CCND3: variants seen among roughly 807,000 people sequenced by gnomAD.
CCND3 encodes the protein cyclin D3, also known as G1/S-specific cyclin-D3.
In CCND3, 9 loss-of-function variants were observed where a neutral mutation model predicts 28.7. The ratio of observed to expected loss-of-function variants is 0.31; its 90% CI spans 0.19 to 0.55. The LOEUF is 0.55. CCND3 is among the 20% of genes least tolerant of loss of function. CCND3 has a pLI of 0.93. For missense variants in CCND3, 315 were observed against 385.8 expected, an observed-to-expected ratio of 0.82 and a Z score of 1.54; for synonymous variants, 164 against 163.9, an observed-to-expected ratio of 1.00 and a Z score of 0.00.
At position 41,953,704 on chromosome 6, in the gene CCND3, T is replaced by C. The variant is rs563939970; in HGVS notation, c.-45-13119A>G. On this transcript the variant is annotated intron_variant, in intron 1 of 4. Transcript: ENST00000372988. ...GTCAGGGACTCCCTGGTCTTGGAGG[T>C]TGAATCCAAGTTACTCCAAACCAAA... is the stretch of plus-strand genomic sequence containing the variant. Among the ~76,000 whole-genome samples, 81 of 152,034 alleles carry C rather than the reference T, an allele frequency of 5.3e-4. 3 individuals carry two copies. Among genetic ancestry groups the C allele is most frequent in the South Asian group, 4.1e-4 (2 of 4,828 alleles).
chr6:41,966,126 G>A (rs1411389235), intron 1 of CCND3, among the ~76,000 whole-genome samples: 2 of 152,120 alleles, frequency 1.3e-5, no homozygotes, highest in African/African-American at 2.4e-5. Context: ...GAGAATAAGA[G>A]AAAATACCTA....
At chr6:42,002,580 T>C (rs4380741) in intron 1 of CCND3, among the ~76,000 whole-genome samples, 149,095 of 152,176 alleles carry the variant, frequency 0.98, 73,108 homozygotes, top group East Asian at 1. Context: ...GGGCTGGGCG[T>C]GGTGGCTCAC....
chr6:42,001,686 G>A (rs1490728460), intron 1 of CCND3, among the ~76,000 whole-genome samples: 6 of 152,146 alleles, frequency 3.9e-5, no homozygotes, highest in Non-Finnish European at 7.3e-5. Flanking sequence ...AGGATAGCCT[G>A]AGCAGCACAG....
chr6:41,961,177 C>T (rs1313441099), intron 1 of CCND3, among the ~76,000 whole-genome samples: 3 of 152,182 alleles, frequency 2.0e-5, no homozygotes, highest in Non-Finnish European at 4.4e-5. Flanking sequence ...ATGCCTTCAT[C>T]AAAACAATCC....
chr6:41,941,414 C>G lies in CCND3; in HGVS notation c.198+38G>C. On this transcript the variant is annotated intron_variant, in intron 1 of 4. Transcript: ENST00000372991. The surrounding 1 kb of genome is among the most constrained non-coding windows in gnomAD (Gnocchi z 6.1). Reference sequence around the variant, plus strand: ...AGGGCGGCCCCGGTGTGTCCAGACCCGGGAGCGGTGGGGGAGGGGGACGCG... The same window carrying G: ...AGGGCGGCCCCGGTGTGTCCAGACCGGGGAGCGGTGGGGGAGGGGGACGCG... 3.1e-6 allele frequency: 5 copies of G among 1,601,120 alleles called. No homozygotes were observed. The highest frequency in any genetic ancestry group is 4.3e-6 in the Non-Finnish European group (5 of 1,176,038).
rs1008510305 is a variant in CCND3 at position 41,935,932 on chromosome 6, C to T, written c.*8G>A. 1.7e-5 allele frequency: 27 copies of T among 1,604,998 alleles called. No individual in the cohort carries two copies. Among genetic ancestry groups the T allele is most frequent in the Non-Finnish European group, 2.1e-5 (25 of 1,176,200 alleles). ...GCTTAGTGGCCACTCCAGAGGGCCT[C>T]TCCAGGGCTACAGGTGTATGGCTGT... On this transcript the variant is annotated 3_prime_UTR_variant, in exon 5 of 5. Coordinates refer to ENST00000372991, the MANE Select transcript of CCND3 (RefSeq NM_001760.5).
chr6:42,047,580 C>A (rs181748689), intron 1 of CCND3, among the ~76,000 whole-genome samples: 1 of 152,234 alleles, frequency 6.6e-6, no homozygotes, highest in African/African-American at 2.4e-5. Flanking sequence ...GTGGACCCTC[C>A]CAGCTGTACC....
chr6:42,014,999 C>T (rs2127429922), intron 1 of CCND3, among the ~76,000 whole-genome samples: 1 of 152,272 alleles, frequency 6.6e-6, no homozygotes, highest in Non-Finnish European at 1.5e-5. Flanking sequence ...TGATCCTGCC[C>T]TCAAAAAGTT....
intron 1 of CCND3, among the ~76,000 whole-genome samples, chr6:42,020,257 G>C (rs1369762537): frequency 6.6e-6 from 1 of 152,110 alleles, no homozygotes; most frequent in African/African-American, 2.4e-5. Context: ...ACTCCAGCCT[G>C]GGCGGCAGAG....
At chr6:41,965,312 C>T (rs897299596) in intron 1 of CCND3, among the ~76,000 whole-genome samples, 1 of 152,114 alleles carries the variant, frequency 6.6e-6, no homozygotes, top group African/African-American at 2.4e-5. Flanking sequence ...TCGTGATCCG[C>T]CTGCCCCGGC....
intron 1 of CCND3, among the ~76,000 whole-genome samples, chr6:41,989,640 C>A (rs1387122346): frequency 6.6e-6 from 1 of 151,926 alleles, no homozygotes; most frequent in Non-Finnish European, 1.5e-5. Flanking sequence ...CCACTATGCA[C>A]CTATTAGAAT....
chr6:41,948,180 T>C (rs1776216601), intron 1 of CCND3, among the ~76,000 whole-genome samples: 1 of 152,076 alleles, frequency 6.6e-6, no homozygotes, highest in Admixed American at 6.6e-5. Flanking sequence ...ACACTTCTTA[T>C]GCTCTTTCCC....
chr6:41,946,770 T>C (rs912401779), upstream of CCND3, among the ~76,000 whole-genome samples: 1 of 151,926 alleles, frequency 6.6e-6, no homozygotes, highest in Non-Finnish European at 1.5e-5. Context: ...TCTTTGCTTG[T>C]CCATTCCTAT....
intron 1 of CCND3, among the ~76,000 whole-genome samples, chr6:42,042,356 G>A (rs866219247): frequency 5.3e-5 from 7 of 131,350 alleles, no homozygotes; most frequent in African/African-American, 1.9e-4. Flanking sequence ...GCGTAGGCTC[G>A]GAAGTGGGTT....
intron 1 of CCND3, among the ~76,000 whole-genome samples, chr6:41,987,918 C>A (rs1403863157): frequency 6.6e-6 from 1 of 151,870 alleles, no homozygotes; most frequent in Non-Finnish European, 1.5e-5. Context: ...TTGAGCTTAG[C>A]TTTGTTCTCT....
At chr6:41,942,849 C>CT (rs1277778964), upstream of CCND3, among the ~76,000 whole-genome samples, 3 of 145,904 alleles carry the variant, frequency 2.1e-5, no homozygotes, top group Admixed American at 1.4e-4. Flanking sequence ...AAGGAAGTGT[C>CT]TAACCATTTT....
At chr6:42,031,979 C>A (rs1324197610) in intron 1 of CCND3, among the ~76,000 whole-genome samples, 1 of 151,912 alleles carries the variant, frequency 6.6e-6, no homozygotes, top group African/African-American at 2.4e-5. Context: ...TTAATAGAGA[C>A]GGGGTTTCAC....
rs1775933865 is a variant in CCND3, at chr6:41,939,884, T to C, written c.414+486A>G. ...TAAAGCAATCAGGGCCTGGCTTTAA[T>C]TGGCTCTGGGAGGCTTTTCTATCAC... On this transcript the variant is annotated intron_variant, in intron 2 of 4. Transcript: ENST00000372991. This position sits in a 1 kb window ranked among gnomAD's most constrained non-coding sequence, Gnocchi z 4.2. Among the ~76,000 whole-genome samples, 3 of 152,116 alleles carry C rather than the reference T, an allele frequency of 2.0e-5. No individual in the cohort carries two copies. The highest frequency in any genetic ancestry group is 2.9e-5 in the Non-Finnish European group (2 of 68,004).
rs879041589 is a variant in CCND3 at position 41,935,624 on chromosome 6, G to GT, written c.*315_*316insA. 7 of 469,916 alleles carry GT rather than the reference G, an allele frequency of 1.5e-5. No homozygotes were observed. The South Asian group carries it at 2.0e-4, about 13-fold the overall frequency. The allele number at this position is 469,916 out of a possible 1,614,324, so 29.1% of individuals were successfully genotyped here. On this transcript the variant is annotated 3_prime_UTR_variant, in exon 5 of 5. Transcript: ENST00000372991. ...CATGAGAGCCCCCAGGGGTGGGGGG[G>GT]GGCGTTCAAAAGGAATGCTGGTGTA...
Sources: allele counts gnomAD v4.1 joint callset (sites outside exome capture counted in the v4.1 genomes callset), GRCh38; gene constraint gnomAD v4.1.1; non-coding constraint Gnocchi (gnomAD v3.1); transcripts MANE v1.5; gene names NCBI Gene and HGNC (gene_info 2026-07-23, HGNC 2026-07-21).